UBR4: variants seen among roughly 807,000 people sequenced by gnomAD.
UBR4 encodes ubiquitin protein ligase E3 component n-recognin 4.
Under a neutral mutation model 575.6 loss-of-function variants are expected in UBR4, and 124 were observed. The ratio of observed to expected loss-of-function variants is 0.22; its 90% CI spans 0.19 to 0.25. The LOEUF is 0.25. Among genes scored for constraint, UBR4 ranks in the 10% least tolerant of loss-of-function variants. The pLI is 1.00. For missense variants in UBR4, 4,818 were observed against 6,478.8 expected, an observed-to-expected ratio of 0.74 and a Z score of 8.80; for synonymous variants, 2,455 against 2,473.7, an observed-to-expected ratio of 0.99 and a Z score of 0.22.
At chr1:19,199,327 C>A (rs2092631397) in intron 3 of UBR4, among the ~76,000 whole-genome samples, 1 of 152,180 alleles carries the variant, frequency 6.6e-6, no homozygotes, top group Non-Finnish European at 1.5e-5. Context: ...CTGGCCCCTG[C>A]AGGTATGTAA....
At position 19,110,940 on chromosome 1, in the gene UBR4, G is replaced by T; in HGVS notation, c.11802-108C>A. The T allele has an allele frequency of 8.7e-7, 1 of 1,148,934 alleles. No homozygotes were observed. The highest frequency in any genetic ancestry group is 1.6e-5 in the African/African-American group (1 of 64,090). 71.2% of individuals were successfully genotyped at this position (1,148,934 alleles called of 1,614,324 possible). A position where few individuals can be genotyped will look rare whatever the true frequency, so the allele number is the denominator to read the frequency against. On this transcript the variant is annotated intron_variant, in intron 78 of 105. Coordinates refer to ENST00000375254, the MANE Select transcript of UBR4 (RefSeq NM_020765.3). The surrounding 1 kb of genome is among the most constrained non-coding windows in gnomAD (Gnocchi z 4.5). ...TGAAATCAATGTCTAAGGCTACCTG[G>T]CCCCAAATTTTCTACTTCCTTCCCG...
Position 19,146,141 on chromosome 1 carries a change from T to A in UBR4, c.7805-208A>T, listed in dbSNP as rs1375129137. ...GAATATCGCAGAAAACATTGTATGTTAGAATTAAGTAGAACGGGGAGCATT... is the reference window on the plus strand; with the variant it reads ...GAATATCGCAGAAAACATTGTATGTAAGAATTAAGTAGAACGGGGAGCATT... On this transcript the variant is annotated intron_variant, in intron 52 of 105. Coordinates refer to ENST00000375254, the MANE Select transcript of UBR4 (RefSeq NM_020765.3). The A allele has an allele frequency of 9.3e-6, 14 of 1,499,654 alleles. No homozygotes were observed. The African/African-American group carries it at 1.7e-4, about 18-fold the overall frequency. 92.9% of individuals were successfully genotyped at this position (1,499,654 alleles called of 1,614,324 possible).
In UBR4 at chr1:19,156,899, G is replaced by A; in HGVS notation, c.5787C>T (p.Leu1929=). Residue 1929 remains leucine, a synonymous_variant, in exon 41 of 106, where the codon CTC becomes CTT. Transcript: ENST00000375254. ...TTTTGCTGGAATCTGCTTGCTTCAG[G>A]AGTGCAGAGAGCTGCAGAACGGTGA... is the stretch of plus-strand genomic sequence containing the variant. ...GKITVLQLSA[L]LKQADSSKRK... The A allele has an allele frequency of 6.2e-7, 1 of 1,614,066 alleles. No individual in the cohort carries two copies. The highest frequency in any genetic ancestry group is 8.5e-7 in the Non-Finnish European group (1 of 1,179,970).
intron 81 of UBR4, among the ~76,000 whole-genome samples, chr1:19,107,891 C>T (rs1009027836): frequency 2.0e-5 from 3 of 151,964 alleles, no homozygotes; most frequent in African/African-American, 7.3e-5. Flanking sequence ...TTATATTTTC[C>T]AAAACAAAAA....
chr1:19,189,575 T>A (rs2091878623), intron 11 of UBR4, among the ~76,000 whole-genome samples: 1 of 152,250 alleles, frequency 6.6e-6, no homozygotes, highest in Non-Finnish European at 1.5e-5. Flanking sequence ...ATATTTTATA[T>A]GTGCACAGAA....
chr1:19,141,762 T>C lies in UBR4; in HGVS notation c.8195A>G (p.Asp2732Gly). ...SNTPMGDKDD[D>G]DDDDADEKMQ... Reference sequence around the variant, plus strand: ...TTTCTCATCTGCATCATCATCGTCATCATCATCCTTGTCTCCTGAGTCAAA... The same window carrying C: ...TTTCTCATCTGCATCATCATCGTCACCATCATCCTTGTCTCCTGAGTCAAA... The change falls in exon 56 of 106, where the codon GAT (aspartate) becomes GGT (glycine). Residue 2732 changes from aspartate (D) to glycine (G), a missense_variant. Asp to Gly is a moderately conservative substitution (Grantham distance 94, BLOSUM62 -1). This residue lies in a region of UBR4 where 129 missense variants were observed against 198.4 expected (regional missense o/e 0.65). Coordinates refer to ENST00000375254, the MANE Select transcript of UBR4 (RefSeq NM_020765.3). The C allele has an allele frequency of 6.2e-7, 1 of 1,614,162 alleles. No individual in the cohort carries two copies. The highest frequency in any genetic ancestry group is 1.1e-5 in the South Asian group (1 of 91,078).
chr1:19,207,812 T>G (rs954828124), intron 1 of UBR4, among the ~76,000 whole-genome samples: 1 of 152,084 alleles, frequency 6.6e-6, no homozygotes, highest in African/African-American at 2.4e-5. Context: ...TTGTGACATG[T>G]AAATATTACA....
chr1:19,165,393 G>GC, intron 30 of UBR4, 44 bp from the exon 31 acceptor site: 5 of 1,505,656 alleles, frequency 3.3e-6, no homozygotes, highest in Non-Finnish European at 4.6e-6. Context: ...TCACATTAAA[G>GC]CCCCACATAA....
chr1:19,160,271 G>C lies in UBR4; in HGVS notation c.5417C>G (p.Ser1806Cys). ...REELQNQANF[S>C]FAPLVLDMLN... ...CATGTCTAACACGAGAGGAGCGAAG[G>C]AGAAATTGGCCTGAGAAAAATAGAA... The change falls in exon 39 of 106, where the codon TCC becomes TGC. Residue 1806 changes from serine to cysteine, a missense_variant. Physicochemically the swap from Ser to Cys is moderately radical, Grantham distance 112. Coordinates refer to ENST00000375254, the MANE Select transcript of UBR4 (RefSeq NM_020765.3). 1 of 1,597,940 alleles carries C rather than the reference G, an allele frequency of 6.3e-7. No homozygotes were observed. Among genetic ancestry groups the C allele is most frequent in the Non-Finnish European group, 8.5e-7 (1 of 1,172,258 alleles).
rs1237082744 is a variant in UBR4, at chr1:19,133,453, T to C, written c.8907-4379A>G. 2.6e-5 allele frequency among the ~76,000 whole-genome samples: 4 copies of C among 152,334 alleles called. No homozygotes were observed. In the East Asian group the frequency reaches 7.7e-4, roughly 29 times the overall value. On this transcript the variant is annotated intron_variant, in intron 60 of 105. Transcript: ENST00000375254. ...TAACATCATACTTAATGAGAAAGTA[T>C]TGAACCTTTACACCCTGAGTTTGGG... is the stretch of plus-strand genomic sequence containing the variant.
chr1:19,165,059 C>G (rs2088095888), intron 31 of UBR4, 62 bp from the exon 32 acceptor site: 1 of 1,589,790 alleles, frequency 6.3e-7, no homozygotes, highest in South Asian at 1.1e-5. Context: ...AAAGAAGGGG[C>G]AAACTGTTGA....
chr1:19,209,684 C>G (rs964939583), intron 1 of UBR4, among the ~76,000 whole-genome samples: 1 of 152,222 alleles, frequency 6.6e-6, no homozygotes, highest in Admixed American at 6.5e-5. Context: ...TTAAATTATA[C>G]CGTACGGCTC....
intron 60 of UBR4, among the ~76,000 whole-genome samples, chr1:19,136,966 A>G (rs1209093761): frequency 1.3e-5 from 2 of 150,868 alleles, no homozygotes; most frequent in African/African-American, 4.9e-5. Flanking sequence ...GCCTGACTGC[A>G]TCAGGCACCA....
Position 19,087,985 on chromosome 1 carries a change from C to A in UBR4, c.14431-56G>T, listed in dbSNP as rs187733487. On this transcript the variant is annotated intron_variant, in intron 98 of 105. Transcript: ENST00000375254. ...GGATTTCCACACACCCTCTCCCACC[C>A]TAGCTTGGAGATGCTCAGGAACAGG... The A allele has an allele frequency of 2.0e-3, 2,814 of 1,415,682 alleles. 16 individuals are homozygous for A. Among genetic ancestry groups the A allele is most frequent in the South Asian group, 0.012 (995 of 82,212 alleles). 87.7% of individuals were successfully genotyped at this position (1,415,682 alleles called of 1,614,324 possible).
intron 8 of UBR4, 83 bp downstream of exon 8, chr1:19,197,058 G>T: frequency 6.6e-7 from 1 of 1,514,602 alleles, no homozygotes; most frequent in African/African-American, 1.4e-5. Context: ...GATGAGTAGA[G>T]TATTCAGGAG....
At chr1:19,132,789 A>C (rs2082699828) in intron 60 of UBR4, among the ~76,000 whole-genome samples, 1 of 151,992 alleles carries the variant, frequency 6.6e-6, no homozygotes, top group East Asian at 1.9e-4. Context: ...AAAGCAAATC[A>C]CTACAGATTG....
intron 17 of UBR4, among the ~76,000 whole-genome samples, chr1:19,182,344 ATT>A (rs35107779): frequency 3.0e-4 from 45 of 148,882 alleles, no homozygotes; most frequent in African/African-American, 6.2e-4. Context: ...TAGTAATTCT[ATT>A]TTTTTTTTTT....
At chr1:19,133,620 T>C (rs2082797321) in intron 60 of UBR4, among the ~76,000 whole-genome samples, 1 of 152,210 alleles carries the variant, frequency 6.6e-6, no homozygotes, top group Admixed American at 6.5e-5. Context: ...GTGATAAGAT[T>C]GTGGATACAG....
chr1:19,156,839 T>C lies in UBR4; in HGVS notation c.5847A>G (p.Pro1949=). ...TGAGGCTCAACACAGTAAAAGGAACTGGGGCAGAAGCCAAGCGGGTCAGAG... is the reference window on the plus strand; with the variant it reads ...TGAGGCTCAACACAGTAAAAGGAACCGGGGCAGAAGCCAAGCGGGTCAGAG... ...KLTLTRLASA[P]VPFTVLSLTG... is the part of the protein sequence containing the mutation. Residue 1949 remains proline (P), a synonymous_variant, in exon 41 of 106, where the codon CCA becomes CCG. Coordinates refer to ENST00000375254, the MANE Select transcript of UBR4 (RefSeq NM_020765.3). The C allele has an allele frequency of 6.2e-7, 1 of 1,614,176 alleles. No individual in the cohort carries two copies. The highest frequency in any genetic ancestry group is 8.5e-7 in the Non-Finnish European group (1 of 1,180,012).
Sources: gnomAD v4.1 joint callset for allele counts (sites outside exome capture counted in the v4.1 genomes callset) on GRCh38, gnomAD v4.1.1 for gene constraint, gnomAD v4.1.1 regional missense constraint, Gnocchi (gnomAD v3.1) non-coding constraint, MANE v1.5 for transcripts, NCBI Gene and HGNC (gene_info 2026-07-23, HGNC 2026-07-21) for gene names.